Variants in USP47 observed in about 807,000 individuals in gnomAD.
USP47 encodes ubiquitin carboxyl-terminal hydrolase 47.
USP47 carries 35 observed loss-of-function variants against 165.1 expected under a neutral mutation model. The ratio of observed to expected loss-of-function variants is 0.21; its 90% CI spans 0.16 to 0.28. The LOEUF is 0.28. USP47 is among the 10% of genes least tolerant of loss of function. The pLI, the probability that USP47 is intolerant of heterozygous loss-of-function variation, is 1.00. For missense variants in USP47, 1,277 were observed against 1,607.4 expected (o/e 0.79, Z 3.52); for synonymous variants, 531 against 544.5 (o/e 0.98, Z 0.35).
intron 4 of USP47, among the ~76,000 whole-genome samples, 187 bp from the exon 5 acceptor site, chr11:11,897,410 A>G (rs2134415842): frequency 6.6e-6 from 1 of 152,236 alleles, no homozygotes; most frequent in African/African-American, 2.4e-5. Flanking sequence ...TCTACAAAAC[A>G]AAGCTTACTT....
chr11:11,869,074 T>C (rs1200642796), intron 1 of USP47, among the ~76,000 whole-genome samples: 1 of 152,178 alleles, frequency 6.6e-6, no homozygotes, highest in Non-Finnish European at 1.5e-5. Flanking sequence ...CTGTAACTTT[T>C]AGTCCTTAAC....
intron 20 of USP47, among the ~76,000 whole-genome samples, chr11:11,946,862 G>A (rs1232988629): frequency 2.0e-5 from 3 of 152,090 alleles, no homozygotes; most frequent in Non-Finnish European, 2.9e-5. Flanking sequence ...TTCTATTAAT[G>A]AGCCTATATT....
chr11:11,959,680 G>C lies in USP47; in HGVS notation c.*3505G>C, dbSNP rs555159916. ...GGAGCATGTGTTACTATTTAGAAAA[G>C]AGTGCAGCCATCAGTAGGTCAAGCT... On this transcript the variant is annotated 3_prime_UTR_variant, in exon 28 of 28. Coordinates refer to ENST00000527733, the MANE Select transcript of USP47 (RefSeq NM_001282659.2). 6.6e-6 allele frequency among the ~76,000 whole-genome samples: 1 copy of C among 152,312 alleles called. No individual in the cohort carries two copies. The highest frequency in any genetic ancestry group is 6.5e-5 in the Admixed American group (1 of 15,302).
chr11:11,933,229 T>A (rs1854806546), intron 15 of USP47, 113 bp downstream of exon 15: 3 of 874,500 alleles, frequency 3.4e-6, no homozygotes, highest in Non-Finnish European at 3.6e-6. Context: ...GCTATCATGA[T>A]CATTGAACAG....
rs143869185 is a variant in USP47, at chr11:11,959,797, G to T, written c.*3622G>T. On this transcript the variant is annotated 3_prime_UTR_variant, in exon 28 of 28. Transcript: ENST00000527733. ...CCTCCTCACCAGCTCACCTGTACAA[G>T]AGAATTGATCTCAACTGAGTGTCAG... Among the ~76,000 whole-genome samples the T allele has an allele frequency of 4.1e-3, 626 of 152,190 alleles. 7 individuals are homozygous for T. Among genetic ancestry groups the T allele is most frequent in the African/African-American group, 0.014 (578 of 41,516 alleles).
At position 11,959,963 on chromosome 11, in the gene USP47, C is replaced by A. The variant is rs977041862; in HGVS notation, c.*3788C>A. 6.6e-6 allele frequency among the ~76,000 whole-genome samples: 1 copy of A among 152,142 alleles called. No individual in the cohort carries two copies. The highest frequency in any genetic ancestry group is 2.4e-5 in the African/African-American group (1 of 41,424). ...AGCCTCTTTTATAATGCTTAAGTAA[C>A]CTGCTTGAAGAGTATAATTTATGGA... On this transcript the variant is annotated 3_prime_UTR_variant, in exon 28 of 28. Coordinates refer to ENST00000527733, the MANE Select transcript of USP47 (RefSeq NM_001282659.2).
At chr11:11,905,598 A>T (rs759885451) in intron 8 of USP47, 50 bp downstream of exon 8, 1 of 1,522,880 alleles carries the variant, frequency 6.6e-7, no homozygotes, top group Non-Finnish European at 8.9e-7. Context: ...AGAATACATA[A>T]TAGCACAGTG....
chr11:11,904,471 T>C lies in USP47; in HGVS notation c.820-928T>C, dbSNP rs1416663785. On this transcript the variant is annotated intron_variant, in intron 7 of 27. Coordinates refer to ENST00000527733, the MANE Select transcript of USP47 (RefSeq NM_001282659.2). ...TTATGAAAAAATTTTTAAGTTCATTTAGTGATCTAGTTTCTCTCATAGTCT... is the reference window on the plus strand; with the variant it reads ...TTATGAAAAAATTTTTAAGTTCATTCAGTGATCTAGTTTCTCTCATAGTCT... Among the ~76,000 whole-genome samples the C allele has an allele frequency of 5.3e-5, 8 of 152,234 alleles. No homozygotes were observed. In the East Asian group the frequency reaches 1.5e-3, roughly 29 times the overall value.
intron 23 of USP47, 145 bp downstream of exon 23, chr11:11,950,149 T>A: frequency 1.4e-6 from 1 of 704,778 alleles, no homozygotes; most frequent in Non-Finnish European, 2.3e-6. Context: ...TTAATAGGAC[T>A]AAACAAGAGT....
intron 3 of USP47, among the ~76,000 whole-genome samples, chr11:11,891,132 A>G (rs4625461): frequency 0.78 from 119,114 of 152,122 alleles, 47,352 homozygotes; most frequent in African/African-American, 0.93. Flanking sequence ...TCCTGCGCAG[A>G]TACACCTGAA....
At chr11:11,883,306 C>T (rs1850948309) in intron 2 of USP47, among the ~76,000 whole-genome samples, 3 of 152,186 alleles carry the variant, frequency 2.0e-5, no homozygotes, top group Non-Finnish European at 4.4e-5. Flanking sequence ...GTCTTTTGCA[C>T]TTACTGTGTT....
chr11:11,903,191 G>T, intron 6 of USP47, 72 bp from the exon 7 acceptor site: 6 of 1,424,078 alleles, frequency 4.2e-6, no homozygotes, highest in South Asian at 1.4e-5. Flanking sequence ...CTGTCTATTT[G>T]CTTTTAAACA....
At chr11:11,940,935 T>A (rs1015507544) in intron 19 of USP47, among the ~76,000 whole-genome samples, 2 of 151,962 alleles carry the variant, frequency 1.3e-5, no homozygotes, top group Admixed American at 6.6e-5. Context: ...CATAAAGCAG[T>A]GCTTCATGGT....
chr11:11,890,118 A>G (rs919935142), intron 3 of USP47, among the ~76,000 whole-genome samples: 5 of 152,204 alleles, frequency 3.3e-5, no homozygotes, highest in Non-Finnish European at 7.3e-5. Context: ...AAATCTAGGC[A>G]ATATTATTTA....
chr11:11,872,088 A>T (rs1850106637), intron 1 of USP47, among the ~76,000 whole-genome samples: 1 of 152,186 alleles, frequency 6.6e-6, no homozygotes, highest in Non-Finnish European at 1.5e-5. Context: ...GTTAGGCTGA[A>T]ACAGCTTGTT....
intron 1 of USP47, among the ~76,000 whole-genome samples, chr11:11,876,014 AT>A (rs1466706291): frequency 1.3e-5 from 2 of 152,228 alleles, no homozygotes; most frequent in Non-Finnish European, 2.9e-5. Flanking sequence ...TACAGTAAAT[AT>A]AACTGCTGTT....
chr11:11,898,940 AACTG>A (rs1447575333), intron 5 of USP47, among the ~76,000 whole-genome samples: 1 of 152,220 alleles, frequency 6.6e-6, no homozygotes, highest in Non-Finnish European at 1.5e-5. Flanking sequence ...TTCTCATAGT[AACTG>A]TATGAATTTT....
chr11:11,855,600 T>TGG (rs1488480017), intron 1 of USP47, among the ~76,000 whole-genome samples: 1 of 152,156 alleles, frequency 6.6e-6, no homozygotes, highest in Non-Finnish European at 1.5e-5. Flanking sequence ...CCAATACCTG[T>TGG]GGTAAGGTTA....
intron 1 of USP47, among the ~76,000 whole-genome samples, chr11:11,851,935 T>C (rs529719045): frequency 1.8e-4 from 27 of 152,226 alleles, no homozygotes; most frequent in Non-Finnish European, 3.7e-4. Context: ...GGGGGCATGA[T>C]GCTGATACGT....
Sources: allele counts gnomAD v4.1 joint callset (sites outside exome capture counted in the v4.1 genomes callset), GRCh38; gene constraint gnomAD v4.1.1; transcripts MANE v1.5; gene names NCBI Gene and HGNC (gene_info 2026-07-23, HGNC 2026-07-21).